OSTM1: variants seen among roughly 807,000 people sequenced by gnomAD.
OSTM1 encodes the protein osteoclastogenesis associated transmembrane protein 1.
OSTM1 carries 26 observed loss-of-function variants against 35.4 expected under a neutral mutation model. The ratio of observed to expected loss-of-function variants is 0.73; its 90% CI spans 0.54 to 1.02. The LOEUF (loss-of-function observed/expected upper bound fraction) is 1.02. Ranked by LOEUF, OSTM1 falls within the 50% of genes least tolerant of loss-of-function variation. The pLI is 0.00. For missense variants in OSTM1, 366 were observed against 409.6 expected, an observed-to-expected ratio of 0.89 and a Z score of 0.92; for synonymous variants, 181 against 165.0, an observed-to-expected ratio of 1.10 and a Z score of -0.75.
rs1193684972 is a variant in OSTM1 at position 108,042,665 on chromosome 6, G to C, written c.*2120C>G. On this transcript the variant is annotated 3_prime_UTR_variant, in exon 6 of 6. Transcript: ENST00000193322. Reference sequence around the variant, plus strand: ...TCATAAGCTCCAGCGATCTGCTTCAGCCTCCCAAAGTGCTGCAAATACAGG... The same window carrying C: ...TCATAAGCTCCAGCGATCTGCTTCACCCTCCCAAAGTGCTGCAAATACAGG... 2.0e-5 allele frequency: 3 copies of C among 152,064 alleles called. No individual in the cohort carries two copies. The East Asian group carries it at 5.8e-4, about 29-fold the overall frequency. 9.4% of individuals were successfully genotyped at this position (152,064 alleles called of 1,614,324 possible).
intron 5 of OSTM1, among the ~76,000 whole-genome samples, chr6:108,045,610 G>C (rs917361788): frequency 6.6e-6 from 1 of 151,884 alleles, no homozygotes; most frequent in Non-Finnish European, 1.5e-5. Context: ...AAAGAAAAGT[G>C]AGTTTTATGT....
intron 2 of OSTM1, among the ~76,000 whole-genome samples, chr6:108,062,539 T>TC (rs1381097028): frequency 6.6e-6 from 1 of 150,424 alleles, no homozygotes; most frequent in East Asian, 1.9e-4. Context: ...TCTTTTCTTT[T>TC]TTTTTTTTTT....
At chr6:108,055,427 C>A (rs907214967) in intron 2 of OSTM1, among the ~76,000 whole-genome samples, 7 of 152,078 alleles carry the variant, frequency 4.6e-5, no homozygotes, top group Non-Finnish European at 1.0e-4. Context: ...AGTGATGTTC[C>A]CACCTCAACC....
At chr6:108,044,958 T>A in intron 5 of OSTM1, 118 bp from the exon 6 acceptor site, 1 of 497,438 alleles carries the variant, frequency 2.0e-6, no homozygotes, top group Non-Finnish European at 3.4e-6. Flanking sequence ...ATCCTAACAG[T>A]TCCAGCCTTA....
intron 5 of OSTM1, among the ~76,000 whole-genome samples, chr6:108,046,681 C>T (rs879374439): frequency 6.6e-6 from 1 of 152,106 alleles, no homozygotes; most frequent in Non-Finnish European, 1.5e-5. Context: ...TGGAAAATCA[C>T]AACATGACTT....
chr6:108,069,659 C>A (rs541360335), intron 1 of OSTM1, among the ~76,000 whole-genome samples: 58 of 152,284 alleles, frequency 3.8e-4, no homozygotes, highest in South Asian at 1.7e-3. Context: ...ATGTCCCTAT[C>A]AGTTTAAACT....
At chr6:108,062,509 G>A (rs745794336) in intron 2 of OSTM1, among the ~76,000 whole-genome samples, 2 of 151,442 alleles carry the variant, frequency 1.3e-5, no homozygotes, top group African/African-American at 4.8e-5. Flanking sequence ...ATCATAATAG[G>A]AGAATACTAT....
At chr6:108,053,488 T>C (rs1202162253) in intron 3 of OSTM1, among the ~76,000 whole-genome samples, 1 of 152,196 alleles carries the variant, frequency 6.6e-6, no homozygotes, top group African/African-American at 2.4e-5. Flanking sequence ...CAGAACAAAT[T>C]CTGAGAAATG....
At chr6:108,049,950 T>A (rs1003975464) in intron 4 of OSTM1, among the ~76,000 whole-genome samples, 1 of 152,246 alleles carries the variant, frequency 6.6e-6, no homozygotes, top group South Asian at 2.1e-4. Flanking sequence ...GCTCATTAAT[T>A]CTGACCTCAA....
intron 5 of OSTM1, among the ~76,000 whole-genome samples, chr6:108,046,680 A>T (rs1771981318): frequency 6.6e-6 from 1 of 152,196 alleles, no homozygotes; most frequent in Non-Finnish European, 1.5e-5. Flanking sequence ...GTGGAAAATC[A>T]CAACATGACT....
chr6:108,059,439 A>G (rs1237554381), intron 2 of OSTM1, among the ~76,000 whole-genome samples: 1 of 152,176 alleles, frequency 6.6e-6, no homozygotes, highest in Non-Finnish European at 1.5e-5. Context: ...CTGAGAAGAA[A>G]AGGGATGGGA....
intron 1 of OSTM1, among the ~76,000 whole-genome samples, chr6:108,072,299 C>T (rs984936709): frequency 1.3e-5 from 2 of 152,036 alleles, no homozygotes; most frequent in Non-Finnish European, 2.9e-5. Context: ...GGAAGTGTGC[C>T]TGGAAAATAC....
chr6:108,049,015 T>C (rs890609893), intron 5 of OSTM1, among the ~76,000 whole-genome samples: 5 of 152,126 alleles, frequency 3.3e-5, no homozygotes, highest in Non-Finnish European at 5.9e-5. Context: ...CCTCCCAAAG[T>C]GCTGGGATTA....
In OSTM1 at chr6:108,049,394, T is replaced by TC; in HGVS notation, c.807dup (p.Ser270GlufsTer12). 6.2e-7 allele frequency: 1 copy of TC among 1,613,886 alleles called. No homozygotes were observed. Among genetic ancestry groups the TC allele is most frequent in the South Asian group, 1.1e-5 (1 of 91,046 alleles). On this transcript the variant is annotated frameshift_variant, in exon 5 of 6. Transcript: ENST00000193322. LOFTEE classifies it high-confidence loss of function. ...GGGACTGAACAGTTGAAAGTTCGAC[T>TC]CCATAGTTTTCGAGTGATGTTCATC... is the stretch of plus-strand genomic sequence containing the variant.
At chr6:108,044,964 C>A in intron 5 of OSTM1, 124 bp from the exon 6 acceptor site, 1 of 473,228 alleles carries the variant, frequency 2.1e-6, no homozygotes, top group Non-Finnish European at 3.5e-6. Context: ...ACAGTTCCAG[C>A]CTTATAAGAA....
intron 1 of OSTM1, 40 bp downstream of exon 1, chr6:108,074,210 C>T (rs1023196967): frequency 2.5e-6 from 4 of 1,604,228 alleles, no homozygotes; most frequent in South Asian, 1.1e-5. Context: ...CCTTTCCCAA[C>T]TCTCCTGAGC....
chr6:108,070,281 C>T (rs1249099537), intron 1 of OSTM1, among the ~76,000 whole-genome samples: 3 of 152,102 alleles, frequency 2.0e-5, no homozygotes, highest in African/African-American at 7.2e-5. Flanking sequence ...TCAAGCGATC[C>T]ACCTGCCTCG....
chr6:108,050,041 A>T (rs1772047616), intron 4 of OSTM1, among the ~76,000 whole-genome samples: 2 of 152,348 alleles, frequency 1.3e-5, no homozygotes, highest in South Asian at 4.1e-4. Flanking sequence ...AAAAGGCATG[A>T]TTGCCATCTA....
chr6:108,062,234 T>G (rs1375000645), intron 2 of OSTM1, among the ~76,000 whole-genome samples: 1 of 152,166 alleles, frequency 6.6e-6, no homozygotes, highest in Non-Finnish European at 1.5e-5. Flanking sequence ...ACCATGACAG[T>G]TGACCTTATA....
Sources: allele counts gnomAD v4.1 joint callset (sites outside exome capture counted in the v4.1 genomes callset), GRCh38; gene constraint gnomAD v4.1.1; transcripts MANE v1.5; gene names NCBI Gene and HGNC (gene_info 2026-07-23, HGNC 2026-07-21).